The following MAF variants were observed in gnomAD, a reference collection of about 807,000 sequenced individuals.
The protein encoded by MAF is transcription factor Maf.
In MAF, 10 loss-of-function variants were observed where a neutral mutation model predicts 22.0. The ratio of observed to expected loss-of-function variants is 0.45; its 90% CI spans 0.28 to 0.77. The LOEUF (loss-of-function observed/expected upper bound fraction) is 0.77. Among genes scored for constraint, MAF ranks in the 30% least tolerant of loss-of-function variants. The probability of loss-of-function intolerance (pLI) is 0.12; values close to 1 mark genes in which losing one functional copy is unlikely to be tolerated. For synonymous variants in MAF, 337 were observed against 255.8 expected, an observed-to-expected ratio of 1.32 and a Z score of -3.03; for missense variants, 544 against 548.4, an observed-to-expected ratio of 0.99 and a Z score of 0.08.
chr16:79,315,034 G>A, the MAF span, among the ~76,000 whole-genome samples: 1 of 152,182 alleles, frequency 6.6e-6, no homozygotes, highest in Non-Finnish European at 1.5e-5. Context: ...TGTGCTACAT[G>A]CTGGCTGGAC....
At chr16:79,407,632 CT>C in the MAF span, among the ~76,000 whole-genome samples, 1 of 152,138 alleles carries the variant, frequency 6.6e-6, no homozygotes, top group African/African-American at 2.4e-5. Context: ...GGAAGTCCCC[CT>C]GGTAATCTCA....
the MAF span, among the ~76,000 whole-genome samples, chr16:79,551,706 T>C: frequency 4.6e-5 from 7 of 152,342 alleles, no homozygotes; most frequent in South Asian, 2.1e-4. Flanking sequence ...AAAAGAATAG[T>C]ATTTAATGAC....
At chr16:79,310,081 A>C in the MAF span, among the ~76,000 whole-genome samples, 1 of 152,196 alleles carries the variant, frequency 6.6e-6, no homozygotes, top group East Asian at 1.9e-4. Context: ...AGCACTGAGA[A>C]TTAATAAAAA....
chr16:79,350,571 T>C, the MAF span, among the ~76,000 whole-genome samples: 4 of 152,164 alleles, frequency 2.6e-5, no homozygotes, highest in South Asian at 2.1e-4. Flanking sequence ...AGAAGTGATA[T>C]GCATCCCTCC....
At chr16:79,343,838 G>C in the MAF span, among the ~76,000 whole-genome samples, 1 of 152,088 alleles carries the variant, frequency 6.6e-6, no homozygotes, top group East Asian at 1.9e-4. Flanking sequence ...TACCCCCCAC[G>C]GTCCCCTGCA....
At chr16:79,512,538 C>A in the MAF span, among the ~76,000 whole-genome samples, 5 of 152,092 alleles carry the variant, frequency 3.3e-5, no homozygotes, top group Non-Finnish European at 5.9e-5. Context: ...TCCACCTGGA[C>A]CCCCAGCTCA....
chr16:79,468,483 G>A, the MAF span, among the ~76,000 whole-genome samples: 2,097 of 152,326 alleles, frequency 0.014, 47 homozygotes, highest in African/African-American at 0.048. Context: ...TGTTTGGCCC[G>A]TCTGCTCTTG....
the MAF span, among the ~76,000 whole-genome samples, chr16:79,300,555 A>G: frequency 1.3e-5 from 1 of 78,816 alleles, no homozygotes; most frequent in African/African-American, 8.6e-5. Context: ...CTCCATCTCA[A>G]AACAAACAAA....
chr16:79,351,796 C>T, the MAF span, among the ~76,000 whole-genome samples: 1 of 152,098 alleles, frequency 6.6e-6, no homozygotes, highest in African/African-American at 2.4e-5. Flanking sequence ...GGAACGGCAG[C>T]CTGAACACAC....
chr16:79,506,487 G>C, the MAF span, among the ~76,000 whole-genome samples: 1 of 152,206 alleles, frequency 6.6e-6, no homozygotes, highest in Non-Finnish European at 1.5e-5. Flanking sequence ...AAAGGGTGAG[G>C]CTCTCCTGCA....
chr16:79,318,507 C>A, the MAF span, among the ~76,000 whole-genome samples: 1 of 152,174 alleles, frequency 6.6e-6, no homozygotes, highest in Non-Finnish European at 1.5e-5. Flanking sequence ...GATTCATCAG[C>A]CTGAACCTGC....
the MAF span, among the ~76,000 whole-genome samples, chr16:79,244,369 C>T: frequency 6.6e-6 from 1 of 152,082 alleles, no homozygotes; most frequent in African/African-American, 2.4e-5. Flanking sequence ...TCAGCAAAGT[C>T]TCAGCATACA....
At chr16:79,378,071 A>G in the MAF span, among the ~76,000 whole-genome samples, 1 of 152,194 alleles carries the variant, frequency 6.6e-6, no homozygotes, top group African/African-American at 2.4e-5. Context: ...GGAGAAAGTC[A>G]TGGGTAGCTT....
chr16:79,426,881 G>A, the MAF span, among the ~76,000 whole-genome samples: 65 of 152,318 alleles, frequency 4.3e-4, no homozygotes, highest in African/African-American at 1.6e-3. Flanking sequence ...CAATGAAGCT[G>A]ACATAAAAGA....
Position 79,599,790 on chromosome 16 carries a change from T to C in MAF, c.113A>G (p.Glu38Gly). ...GCACTGGCTGATGATGCGGTCGGTC[T>C]CCACCGGTTCCTTTTTCACTTCAAA... ...MKFEVKKEPV[E>G]TDRIISQCGR... is the part of the protein sequence containing the mutation. The change falls in exon 1 of 2, where the codon GAG becomes GGG. Residue 38 changes from glutamate (E) to glycine (G), a missense_variant. Coordinates refer to ENST00000326043, the MANE Select transcript of MAF (RefSeq NM_005360.5). 6.2e-7 allele frequency: 1 copy of C among 1,613,098 alleles called. No individual in the cohort carries two copies. Among genetic ancestry groups the C allele is most frequent in the South Asian group, 1.1e-5 (1 of 91,070 alleles).
the MAF span, among the ~76,000 whole-genome samples, chr16:79,321,285 A>C: frequency 2.6e-5 from 4 of 152,190 alleles, no homozygotes; most frequent in South Asian, 8.3e-4. Context: ...ATCACACCAC[A>C]AGGTAGGGGA....
chr16:79,381,937 G>A, the MAF span, among the ~76,000 whole-genome samples: 1 of 152,074 alleles, frequency 6.6e-6, no homozygotes, highest in African/African-American at 2.4e-5. Flanking sequence ...CCCACATCTG[G>A]CTCAACAGCC....
the MAF span, among the ~76,000 whole-genome samples, chr16:79,419,557 G>A: frequency 3.9e-5 from 6 of 152,106 alleles, no homozygotes; most frequent in African/African-American, 1.2e-4. Context: ...GCAACTCTCT[G>A]GTGTCTAGGA....
the MAF span, chr16:79,211,534 A>C: frequency 6.3e-7 from 1 of 1,598,488 alleles, no homozygotes; most frequent in East Asian, 2.2e-5. Context: ...GCTAATGCCC[A>C]GGCAGTCGAA....
Sources: gnomAD v4.1 joint callset for allele counts (sites outside exome capture counted in the v4.1 genomes callset) on GRCh38, gnomAD v4.1.1 for gene constraint, MANE v1.5 for transcripts, NCBI Gene and HGNC (gene_info 2026-07-23, HGNC 2026-07-21) for gene names.